The following PCDHA9 variants were observed in gnomAD, a reference collection of about 807,000 sequenced individuals.
The protein encoded by PCDHA9 is protocadherin alpha 9.
In PCDHA9, 62 loss-of-function variants were observed where a neutral mutation model predicts 62.0. The ratio of observed to expected loss-of-function variants is 1.00; its 90% CI spans 0.81 to 1.23. PCDHA9 has a LOEUF of 1.23. Among genes scored for constraint, PCDHA9 ranks in the 50% most tolerant of loss-of-function variants. The pLI, the probability that PCDHA9 is intolerant of heterozygous loss-of-function variation, is 0.00. For missense variants in PCDHA9, 1,205 were observed against 1,249.8 expected, an observed-to-expected ratio of 0.96 and a Z score of 0.54; for synonymous variants, 557 against 567.6, an observed-to-expected ratio of 0.98 and a Z score of 0.27.
chr5:140,922,434 C>T (rs1167616099), intron 1 of PCDHA9, among the ~76,000 whole-genome samples: 1 of 152,180 alleles, frequency 6.6e-6, no homozygotes, highest in Admixed American at 6.5e-5. Flanking sequence ...GAGGGCAGAA[C>T]TCTCTCATTA....
chr5:140,882,565 C>A (rs782122682), intron 1 of PCDHA9: 9 of 1,614,118 alleles, frequency 5.6e-6, no homozygotes, highest in African/African-American at 2.7e-5. Flanking sequence ...GTGGGCGGAG[C>A]GCGGAGTGCA....
chr5:141,000,904 T>A lies in PCDHA9; in HGVS notation c.2543-8723T>A, dbSNP rs1398868730. Among the ~76,000 whole-genome samples, 6 of 151,990 alleles carry A rather than the reference T, an allele frequency of 3.9e-5. No individual in the cohort carries two copies. The East Asian group carries it at 1.2e-3, about 29-fold the overall frequency. On this transcript the variant is annotated intron_variant, in intron 3 of 3. Coordinates refer to ENST00000532602, the MANE Select transcript of PCDHA9 (RefSeq NM_031857.2). ...ACCTGGGCAACAGATATAGACGCTGTCTCTAAAAAAAAAAATCCTGTGTGA... is the reference window on the plus strand; with the variant it reads ...ACCTGGGCAACAGATATAGACGCTGACTCTAAAAAAAAAAATCCTGTGTGA...
At chr5:140,935,144 A>G (rs1289868558) in intron 1 of PCDHA9, among the ~76,000 whole-genome samples, 1 of 152,184 alleles carries the variant, frequency 6.6e-6, no homozygotes, top group Admixed American at 6.5e-5. Context: ...TGATACTTAG[A>G]GATATAATCT....
At chr5:140,872,610 T>C (rs1270918795) in intron 1 of PCDHA9, among the ~76,000 whole-genome samples, 2 of 152,146 alleles carry the variant, frequency 1.3e-5, no homozygotes, top group Non-Finnish European at 2.9e-5. Context: ...AAAATAATTT[T>C]TTTTGCCTGT....
chr5:140,870,944 CG>C, intron 1 of PCDHA9: 1 of 1,613,658 alleles, frequency 6.2e-7, no homozygotes, highest in Non-Finnish European at 8.5e-7. Flanking sequence ...CAGCCGGCGG[CG>C]GGCGGCTCGC....
At chr5:141,004,495 C>T (rs1363359146) in intron 3 of PCDHA9, among the ~76,000 whole-genome samples, 14 of 152,182 alleles carry the variant, frequency 9.2e-5, no homozygotes, top group Admixed American at 9.2e-4. Flanking sequence ...TCTTGGCAGT[C>T]CTGCTGTGAG....
intron 1 of PCDHA9, chr5:140,882,537 T>C (rs1582624652): frequency 6.2e-7 from 1 of 1,614,176 alleles, no homozygotes; most frequent in East Asian, 2.2e-5. Context: ...AATTCTCGGA[T>C]CGACCGCGAG....
chr5:140,968,923 T>G lies in PCDHA9; in HGVS notation c.2395-10026T>G, dbSNP rs140504777. The G allele has an allele frequency of 2.9e-3, 4,668 of 1,614,212 alleles. 4 individuals are homozygous for G. Among genetic ancestry groups the G allele is most frequent in the Non-Finnish European group, 3.3e-3 (3,916 of 1,180,046 alleles). ...CATTAAGCACAGTGTCTTTTATATT[T>G]CTTTTGACAATCATCATTTTGAGCA... On this transcript the variant is annotated intron_variant, in intron 1 of 3. Coordinates refer to ENST00000532602, the MANE Select transcript of PCDHA9 (RefSeq NM_031857.2).
In PCDHA9 at chr5:140,883,790, G is replaced by T. The variant is rs200436467; in HGVS notation, c.2394+32901G>T. ...GGGCGAGCGTGCGCTGTCGAGCTAC[G>T]TGTCGGTGCACGCGGAGAGCGGCAA... On this transcript the variant is annotated intron_variant, in intron 1 of 3. Coordinates refer to ENST00000532602, the MANE Select transcript of PCDHA9 (RefSeq NM_031857.2). The T allele has an allele frequency of 3.5e-5, 57 of 1,612,406 alleles. No homozygotes were observed. The highest frequency in any genetic ancestry group is 4.3e-5 in the Non-Finnish European group (51 of 1,179,760).
intron 1 of PCDHA9, among the ~76,000 whole-genome samples, chr5:140,874,643 G>T (rs1423931291): frequency 1.3e-5 from 2 of 152,178 alleles, no homozygotes; most frequent in Non-Finnish European, 2.9e-5. Flanking sequence ...CTTTACTTTT[G>T]CTAGAGTAAA....
chr5:140,952,724 C>G (rs1481919445), intron 1 of PCDHA9, among the ~76,000 whole-genome samples: 1 of 152,100 alleles, frequency 6.6e-6, no homozygotes, highest in Non-Finnish European at 1.5e-5. Context: ...ATTTTCTGTA[C>G]TAGTCTTTTC....
intron 1 of PCDHA9, chr5:140,857,244 CCTA>C (rs782212916): frequency 6.3e-7 from 1 of 1,598,476 alleles, no homozygotes; most frequent in East Asian, 2.2e-5. Flanking sequence ...CTGGTGTCCA[CCTA>C]CAAGAATTAC....
intron 1 of PCDHA9, among the ~76,000 whole-genome samples, chr5:140,955,134 C>T (rs868995724): frequency 3.3e-5 from 5 of 152,022 alleles, no homozygotes; most frequent in African/African-American, 1.2e-4. Context: ...CTGGTCTACA[C>T]GTCTGTTTTT....
At chr5:140,870,285 C>G (rs1315531348) in intron 1 of PCDHA9, 1 of 1,614,108 alleles carries the variant, frequency 6.2e-7, no homozygotes, top group Non-Finnish European at 8.5e-7. Flanking sequence ...ACGTTCCCTT[C>G]AAGCTGGTGT....
At chr5:140,939,089 A>C (rs1048123737) in intron 1 of PCDHA9, among the ~76,000 whole-genome samples, 11 of 152,204 alleles carry the variant, frequency 7.2e-5, no homozygotes, top group Non-Finnish European at 1.2e-4. Context: ...TGGGTGGCTT[A>C]AAAACAATAG....
At chr5:140,957,725 A>T (rs1385506394) in intron 1 of PCDHA9, among the ~76,000 whole-genome samples, 1 of 152,156 alleles carries the variant, frequency 6.6e-6, no homozygotes, top group Non-Finnish European at 1.5e-5. Context: ...AAAGAAGCAG[A>T]ATTATATATA....
In PCDHA9 at chr5:140,877,291, C is replaced by G. The variant is rs527823173; in HGVS notation, c.2394+26402C>G. On this transcript the variant is annotated intron_variant, in intron 1 of 3. Coordinates refer to ENST00000532602, the MANE Select transcript of PCDHA9 (RefSeq NM_031857.2). ...CGCTGACTCCGGCTATAACGCTTGG[C>G]TGTCCTACGAGTTGCAACCGGCGGC... 4 of 1,613,932 alleles carry G rather than the reference C, an allele frequency of 2.5e-6. No homozygotes were observed. In the African/African-American group the frequency reaches 4.0e-5, roughly 16 times the overall value.
chr5:140,850,906 T>A lies in PCDHA9; in HGVS notation c.2394+17T>A. On this transcript the variant is annotated intron_variant, in intron 1 of 3. Transcript: ENST00000532602. The stretch of plus-strand genomic sequence containing the variant: ...ACTGGGAAGGTGGGTTTTTCTAGCA[T>A]TTTATTTATTTATATAATTTTTTTT... 1 of 1,550,722 alleles carries A rather than the reference T, an allele frequency of 6.4e-7. No homozygotes were observed. Among genetic ancestry groups the A allele is most frequent in the Non-Finnish European group, 8.7e-7 (1 of 1,145,138 alleles).
rs2086150778 is a variant in PCDHA9, at chr5:140,929,428, G to C, written c.2395-49521G>C. ...AGCCTTTCACAACATTTCATCAATT[G>C]AACTAAACACTCCTTCTTAGCACTT... On this transcript the variant is annotated intron_variant, in intron 1 of 3. Coordinates refer to ENST00000532602, the MANE Select transcript of PCDHA9 (RefSeq NM_031857.2). 4 of 1,491,484 alleles carry C rather than the reference G, an allele frequency of 2.7e-6. No homozygotes were observed. The East Asian group carries it at 6.9e-5, about 26-fold the overall frequency. 92.4% of individuals were successfully genotyped at this position (1,491,484 alleles called of 1,614,324 possible). A position where few individuals can be genotyped will look rare whatever the true frequency, so the allele number is the denominator to read the frequency against.
Sources: gnomAD v4.1 joint callset for allele counts (sites outside exome capture counted in the v4.1 genomes callset) on GRCh38, gnomAD v4.1.1 for gene constraint, MANE v1.5 for transcripts, NCBI Gene and HGNC (gene_info 2026-07-23, HGNC 2026-07-21) for gene names.